The following RBL1 variants were observed in gnomAD, a reference collection of about 807,000 sequenced individuals.
RBL1 encodes retinoblastoma-like protein 1.
A neutral mutation model predicts 123.0 loss-of-function variants in RBL1; 82 were observed. The ratio of observed to expected loss-of-function variants is 0.67; its 90% confidence interval spans 0.56 to 0.80. The LOEUF is 0.80. Among genes scored for constraint, RBL1 ranks in the 30% least tolerant of loss-of-function variants. The probability of loss-of-function intolerance (pLI) is 0.00; values close to 1 mark genes in which losing one functional copy is unlikely to be tolerated. For synonymous variants in RBL1, 405 were observed against 441.3 expected (o/e 0.92, Z 1.03); for missense variants, 1,171 against 1,299.6 (o/e 0.90, Z 1.52).
intron 16 of RBL1, among the ~76,000 whole-genome samples, chr20:37,024,878 G>A (rs760070887): frequency 5.9e-5 from 9 of 152,286 alleles, no homozygotes; most frequent in Middle Eastern, 3.4e-3. Flanking sequence ...GGGGTGAAGG[G>A]ACAGAGGAGA....
chr20:37,095,902 C>G lies in RBL1; in HGVS notation c.27G>C (p.Glu9Asp). ...CGGCTGCGGCGACCACCGCCGCCCCCTCAGCGTGGGGCTTGTCCTCGAACA... is the reference window on the plus strand; with the variant it reads ...CGGCTGCGGCGACCACCGCCGCCCCGTCAGCGTGGGGCTTGTCCTCGAACA... Reference protein sequence around the residue: MFEDKPHAEGAAVVAAAGE... With the variant: MFEDKPHADGAAVVAAAGE... Residue 9 changes from glutamate to aspartate, a missense_variant, in exon 1 of 22, where the codon GAG becomes GAC. Transcript: ENST00000373664. 3 of 1,602,014 alleles carry G rather than the reference C, an allele frequency of 1.9e-6. No homozygotes were observed. Among genetic ancestry groups the G allele is most frequent in the Non-Finnish European group, 2.6e-6 (3 of 1,175,450 alleles).
At position 37,022,645 on chromosome 20, in the gene RBL1, A is replaced by G. The variant is rs2064359265; in HGVS notation, c.2559+5T>C. On this transcript the variant is annotated splice_donor_5th_base_variant and intron_variant, in intron 17 of 21. Transcript: ENST00000373664. ...CCCAGCCTCTTCTCCCAATTTATAC[A>G]TTACCTTTGCCATGATATAAAAGGC... 3 of 1,603,176 alleles carry G rather than the reference A, an allele frequency of 1.9e-6. No individual in the cohort carries two copies. The highest frequency in any genetic ancestry group is 1.1e-5 in the South Asian group (1 of 89,844).
chr20:37,043,315 C>T (rs2064764589), intron 13 of RBL1, among the ~76,000 whole-genome samples: 1 of 151,786 alleles, frequency 6.6e-6, no homozygotes, highest in African/African-American at 2.4e-5. Flanking sequence ...GGTGAAACCC[C>T]GTCTCTACTA....
In RBL1 at chr20:37,040,171, T is replaced by G; in HGVS notation, c.1885A>C (p.Ser629Arg). 6.2e-7 allele frequency: 1 copy of G among 1,613,986 alleles called. No homozygotes were observed. Residue 629 changes from serine to arginine, a missense_variant, in exon 14 of 22, where the codon AGT becomes CGT. Physicochemically the swap from Ser to Arg is moderately radical, Grantham distance 110. Transcript: ENST00000373664. ...HPRVKEVRTD[S>R]GSLRRDMQPL... ...AACCTACCTCTTCGAAGACTCCCACTGTCAGTTCGAACTTCCTTGACTCTT... is the reference window on the plus strand; with the variant it reads ...AACCTACCTCTTCGAAGACTCCCACGGTCAGTTCGAACTTCCTTGACTCTT...
At chr20:37,031,670 A>C (rs182415276) in intron 16 of RBL1, among the ~76,000 whole-genome samples, 5 of 152,324 alleles carry the variant, frequency 3.3e-5, no homozygotes, top group Admixed American at 3.3e-4. Context: ...TGAAATACTA[A>C]ATTACTCTCC....
In RBL1 at chr20:37,085,842, G is replaced by A. The variant is rs144338536; in HGVS notation, c.290+3147C>T. On this transcript the variant is annotated intron_variant, in intron 2 of 21. Transcript: ENST00000373664. The stretch of plus-strand genomic sequence containing the variant: ...GTTTTTGTATTTTTAGTAGAGATGA[G>A]GTTTCACTGTGTTAGCCAGGATGGT... Among the ~76,000 whole-genome samples the A allele has an allele frequency of 4.9e-3, 740 of 151,778 alleles. 7 individuals are homozygous for A. Among genetic ancestry groups the A allele is most frequent in the African/African-American group, 0.017 (700 of 41,422 alleles).
At chr20:37,072,272 C>CA (rs1400873807) in intron 2 of RBL1, among the ~76,000 whole-genome samples, 1 of 152,148 alleles carries the variant, frequency 6.6e-6, no homozygotes. Flanking sequence ...AGCTCGAGAC[C>CA]AGCCTGACCA....
intron 2 of RBL1, among the ~76,000 whole-genome samples, chr20:37,085,772 G>C (rs530682219): frequency 4.7e-4 from 68 of 143,478 alleles, no homozygotes; most frequent in African/African-American, 1.7e-3. Context: ...TCCCACCTCA[G>C]CCTCTCGAGT....
chr20:37,079,485 T>TTTTG (rs2065416486), intron 2 of RBL1, among the ~76,000 whole-genome samples: 1 of 149,290 alleles, frequency 6.7e-6, no homozygotes. Flanking sequence ...TTTTTTTTTT[T>TTTTG]GAGAAGGGTC....
chr20:37,061,936 T>C (rs2065101588), intron 8 of RBL1, 148 bp downstream of exon 8: 1 of 920,580 alleles, frequency 1.1e-6, no homozygotes, highest in African/African-American at 1.7e-5. Flanking sequence ...ATGCCAGTTT[T>C]AAAAATTACC....
chr20:36,998,647 C>G lies in RBL1; in HGVS notation c.*112G>C. On this transcript the variant is annotated 3_prime_UTR_variant, in exon 22 of 22. Coordinates refer to ENST00000373664, the MANE Select transcript of RBL1 (RefSeq NM_002895.5). ...GCACATAATTTTTGTGCAATTTTTT[C>G]TTATAACCCAGTGATATTTATCATC... 1 of 954,184 alleles carries G rather than the reference C, an allele frequency of 1.0e-6. No homozygotes were observed. Among genetic ancestry groups the G allele is most frequent in the East Asian group, 2.9e-5 (1 of 34,996 alleles). 59.1% of individuals were successfully genotyped at this position (954,184 alleles called of 1,614,324 possible).
intron 2 of RBL1, among the ~76,000 whole-genome samples, chr20:37,074,027 C>T (rs7262181): frequency 0.043 from 6,601 of 152,090 alleles, 498 homozygotes; most frequent in African/African-American, 0.15. Context: ...AGGAGAATGG[C>T]GTGAACCCAG....
intron 7 of RBL1, among the ~76,000 whole-genome samples, chr20:37,064,598 CG>C (rs1478250197): frequency 1.3e-5 from 2 of 151,896 alleles, no homozygotes; most frequent in Non-Finnish European, 2.9e-5. Flanking sequence ...AAAATAAATA[CG>C]TAAGTATCAA....
chr20:37,037,504 T>C (rs1384916565), intron 14 of RBL1, among the ~76,000 whole-genome samples: 1 of 151,958 alleles, frequency 6.6e-6, no homozygotes, highest in Non-Finnish European at 1.5e-5. Flanking sequence ...TTTTAAATTA[T>C]AGTATACTAA....
chr20:37,064,547 C>T (rs1268666041), intron 7 of RBL1, among the ~76,000 whole-genome samples: 1 of 151,958 alleles, frequency 6.6e-6, no homozygotes, highest in Non-Finnish European at 1.5e-5. Flanking sequence ...AATTAGAGAC[C>T]AGCCTGGGCA....
chr20:37,004,750 G>A (rs1347968051), intron 20 of RBL1, among the ~76,000 whole-genome samples: 3 of 146,552 alleles, frequency 2.0e-5, no homozygotes, highest in Admixed American at 6.8e-5. Flanking sequence ...TTCTGGGGCC[G>A]GGTGCAGTGG....
Position 37,095,776 on chromosome 20 carries a change from T to G in RBL1, c.153A>C (p.Leu51=). 2 of 1,607,402 alleles carry G rather than the reference T, an allele frequency of 1.2e-6. No individual in the cohort carries two copies. The highest frequency in any genetic ancestry group is 1.7e-6 in the Non-Finnish European group (2 of 1,177,068). Residue 51 remains leucine (L), a synonymous_variant, in exon 1 of 22, where the codon CTA becomes CTC. Coordinates refer to ENST00000373664, the MANE Select transcript of RBL1 (RefSeq NM_002895.5). ...DFTAIRGNYS[L]EGEVTHWLAC... ...CGCCCCACCTGCTGCCGCTCACCTCTAGGCTGTAGTTGCCTCGGATGGCAG... is the reference window on the plus strand; with the variant it reads ...CGCCCCACCTGCTGCCGCTCACCTCGAGGCTGTAGTTGCCTCGGATGGCAG...
chr20:37,025,237 T>A (rs190468105), intron 16 of RBL1, among the ~76,000 whole-genome samples: 2 of 152,172 alleles, frequency 1.3e-5, no homozygotes, highest in Non-Finnish European at 2.9e-5. Context: ...TTGAAAATTC[T>A]GCCTGGGCAC....
intron 13 of RBL1, among the ~76,000 whole-genome samples, chr20:37,042,898 C>A (rs560945918): frequency 1.3e-4 from 15 of 115,080 alleles, no homozygotes; most frequent in Non-Finnish European, 2.1e-4. Context: ...GATCTTGTCC[C>A]CCCCCCTCCA....
Sources: allele counts gnomAD v4.1 joint callset (sites outside exome capture counted in the v4.1 genomes callset), GRCh38; gene constraint gnomAD v4.1.1; transcripts MANE v1.5; gene names NCBI Gene and HGNC (gene_info 2026-07-23, HGNC 2026-07-21).